Variants in RASGRF2 observed in about 807,000 individuals in gnomAD.
The protein encoded by RASGRF2 is Ras protein specific guanine nucleotide releasing factor 2.
RASGRF2 carries 76 observed loss-of-function variants against 151.0 expected under a neutral mutation model. That is an observed-to-expected ratio of 0.50 (90% confidence interval 0.42 to 0.61). RASGRF2 has a LOEUF of 0.61. Among genes scored for constraint, RASGRF2 ranks in the 20% least tolerant of loss-of-function variants. The pLI is 0.00. For synonymous variants in RASGRF2, 504 were observed against 566.5 expected (o/e 0.89, Z 1.57); for missense variants, 1,148 against 1,564.6 (o/e 0.73, Z 4.49).
At chr5:81,023,928 A>G (rs1379398107) in intron 1 of RASGRF2, among the ~76,000 whole-genome samples, 3 of 152,150 alleles carry the variant, frequency 2.0e-5, no homozygotes, top group Admixed American at 2.0e-4. Flanking sequence ...TTTCCTCTCA[A>G]ATTTAAGTGG....
chr5:81,181,569 T>A (rs1300582065), intron 18 of RASGRF2, among the ~76,000 whole-genome samples: 2 of 152,192 alleles, frequency 1.3e-5, no homozygotes, highest in Non-Finnish European at 2.9e-5. Context: ...CCATTTTGCC[T>A]CACTGCAGAT....
intron 9 of RASGRF2, among the ~76,000 whole-genome samples, chr5:81,091,528 TAGAC>T (rs1236812815): frequency 1.3e-5 from 2 of 152,106 alleles, no homozygotes; most frequent in Admixed American, 1.3e-4. Context: ...CTCACCAAAA[TAGAC>T]AGTGTGAGAT....
intron 2 of RASGRF2, among the ~76,000 whole-genome samples, chr5:81,064,839 C>T (rs1334485813): frequency 6.6e-6 from 1 of 152,068 alleles, no homozygotes; most frequent in South Asian, 2.1e-4. Context: ...TAGTGACGTC[C>T]TTGATTAGGT....
rs1030566171 is a variant in RASGRF2 at position 80,966,601 on chromosome 5, G to C, written c.288+5575G>C. ...TGGTTCCGCCAAAGGGAATATGTTA[G>C]CATTTTTGCCCAAGGAGTTAAAAAT... On this transcript the variant is annotated intron_variant, in intron 1 of 26. Coordinates refer to ENST00000265080, the MANE Select transcript of RASGRF2 (RefSeq NM_006909.3). 3.3e-4 allele frequency among the ~76,000 whole-genome samples: 50 copies of C among 152,258 alleles called. 1 individual carries two copies. Among genetic ancestry groups the C allele is most frequent in the Middle Eastern group, 3.4e-3 (1 of 294 alleles).
chr5:81,206,785 G>C (rs1055673077), intron 19 of RASGRF2, 60 bp from the exon 20 acceptor site: 6 of 1,456,618 alleles, frequency 4.1e-6, no homozygotes, highest in Non-Finnish European at 5.8e-6. Context: ...TGCATTTGTA[G>C]TTTTGTTCCT....
chr5:81,155,932 A>G (rs1317899164), intron 17 of RASGRF2, among the ~76,000 whole-genome samples: 1 of 152,180 alleles, frequency 6.6e-6, no homozygotes, highest in East Asian at 1.9e-4. Context: ...GCAACAATCT[A>G]AACAACTTTA....
intron 17 of RASGRF2, among the ~76,000 whole-genome samples, chr5:81,167,880 A>G (rs957816134): frequency 6.6e-6 from 1 of 152,194 alleles, no homozygotes; most frequent in Non-Finnish European, 1.5e-5. Flanking sequence ...TGGGACTCAC[A>G]GGAAGACTTC....
At chr5:81,201,194 G>A in intron 18 of RASGRF2, 136 bp from the exon 19 acceptor site, 5 of 1,326,740 alleles carry the variant, frequency 3.8e-6, no homozygotes, top group Non-Finnish European at 4.9e-6. Context: ...CCTAGGTGTG[G>A]CAGGGAACTC....
At chr5:81,058,799 A>G (rs1489292527) in intron 2 of RASGRF2, among the ~76,000 whole-genome samples, 9 of 141,538 alleles carry the variant, frequency 6.4e-5, no homozygotes, top group Non-Finnish European at 1.1e-4. Flanking sequence ...AAAAAAAAAA[A>G]AGAGAGTGTG....
chr5:81,224,089 A>C (rs1377222114), intron 26 of RASGRF2, among the ~76,000 whole-genome samples: 1 of 152,224 alleles, frequency 6.6e-6, no homozygotes, highest in African/African-American at 2.4e-5. Context: ...TACAACAAAG[A>C]AACAGAATAA....
intron 5 of RASGRF2, among the ~76,000 whole-genome samples, chr5:81,073,998 CT>C (rs34310804): frequency 0.075 from 11,406 of 152,166 alleles, 446 homozygotes; most frequent in African/African-American, 0.095. Context: ...CCTACATTGT[CT>C]TATCGCATGG....
intron 7 of RASGRF2, among the ~76,000 whole-genome samples, chr5:81,084,766 A>C (rs1424481644): frequency 2.0e-5 from 3 of 152,196 alleles, no homozygotes; most frequent in Admixed American, 1.3e-4. Context: ...AAGCTGTTGT[A>C]GTTTCTTCAT....
Position 81,165,739 on chromosome 5 carries a change from C to T in RASGRF2, c.2687-14436C>T, listed in dbSNP as rs545857718. ...TGTGCCTCTGCTGCTCGTGCCAAAG[C>T]TTTGACTCATCTCCAGAGGTGTTTC... On this transcript the variant is annotated intron_variant, in intron 17 of 26. Transcript: ENST00000265080. 2.0e-5 allele frequency among the ~76,000 whole-genome samples: 3 copies of T among 152,326 alleles called. No homozygotes were observed. The South Asian group carries it at 6.2e-4, about 32-fold the overall frequency.
At chr5:80,992,032 G>A (rs967770948) in intron 1 of RASGRF2, among the ~76,000 whole-genome samples, 3 of 152,052 alleles carry the variant, frequency 2.0e-5, no homozygotes, top group African/African-American at 4.8e-5. Context: ...GCTTCATATC[G>A]ATGCCTGCTG....
chr5:81,001,271 T>G (rs1384153138), intron 1 of RASGRF2, among the ~76,000 whole-genome samples: 1 of 152,192 alleles, frequency 6.6e-6, no homozygotes, highest in Non-Finnish European at 1.5e-5. Context: ...TAAGATAATT[T>G]TAATCAAGGA....
Position 81,207,155 on chromosome 5 carries a change from C to T in RASGRF2, c.2968-91C>T, listed in dbSNP as rs371139633. 351 of 1,085,804 alleles carry T rather than the reference C, an allele frequency of 3.2e-4. 9 individuals carry two copies. The South Asian group carries it at 5.0e-3, about 15-fold the overall frequency. The allele number at this position is 1,085,804 out of a possible 1,614,324, so 67.3% of individuals were successfully genotyped here. ...GAATTTAGTGGTGAACTTCATGCTT[C>T]CACACATGCAGCTGTCTGCCTCACT... On this transcript the variant is annotated intron_variant, in intron 20 of 26. Transcript: ENST00000265080.
chr5:81,111,704 A>G (rs985557454), intron 13 of RASGRF2, among the ~76,000 whole-genome samples: 3 of 152,124 alleles, frequency 2.0e-5, no homozygotes, highest in Non-Finnish European at 4.4e-5. Context: ...TAGGAAGGAA[A>G]TAAGAAGAGA....
intron 1 of RASGRF2, among the ~76,000 whole-genome samples, chr5:81,032,007 G>T (rs1222462411): frequency 6.6e-6 from 1 of 152,104 alleles, no homozygotes; most frequent in African/African-American, 2.4e-5. Context: ...TACCACCAGA[G>T]AATACTATAA....
At chr5:81,020,519 T>C (rs1217409677) in intron 1 of RASGRF2, among the ~76,000 whole-genome samples, 1 of 152,178 alleles carries the variant, frequency 6.6e-6, no homozygotes, top group African/African-American at 2.4e-5. Context: ...ATTAAGGGCT[T>C]TCTGTGTGCC....
Sources: allele counts gnomAD v4.1 joint callset (sites outside exome capture counted in the v4.1 genomes callset), GRCh38; gene constraint gnomAD v4.1.1; transcripts MANE v1.5; gene names NCBI Gene and HGNC (gene_info 2026-07-23, HGNC 2026-07-21).